DCX: variants seen among roughly 807,000 people sequenced by gnomAD.
DCX encodes the protein neuronal migration protein doublecortin.
In DCX, 4 loss-of-function variants were observed where a neutral mutation model predicts 20.9. That is an observed-to-expected ratio of 0.19 (90% CI 0.09 to 0.44). The LOEUF (loss-of-function observed/expected upper bound fraction) is 0.44. DCX is among the 20% of genes least tolerant of loss of function. The pLI, the probability that DCX is intolerant of heterozygous loss-of-function variation, is 0.99. For synonymous variants in DCX, 103 were observed against 111.4 expected (o/e 0.92, Z 0.47); for missense variants, 133 against 296.9 (o/e 0.45, Z 4.06).
intron 3 of DCX, among the ~76,000 whole-genome samples, chrX:111,344,428 A>T (rs1278262276): frequency 1.8e-5 from 2 of 111,860 alleles, no homozygotes; most frequent in African/African-American, 6.5e-5. Flanking sequence ...GTATTCAAGT[A>T]GGAAGAGAGG....
At chrX:111,357,540 G>A (rs912350610) in intron 3 of DCX, among the ~76,000 whole-genome samples, 8 of 111,775 alleles carry the variant, frequency 7.2e-5, no homozygotes, top group African/African-American at 1.3e-4. Flanking sequence ...CACTTTGGGA[G>A]GCCAAGGTTG....
intron 4 of DCX, among the ~76,000 whole-genome samples, chrX:111,331,545 T>C (rs1921245424): frequency 1.8e-5 from 2 of 111,972 alleles, no homozygotes; most frequent in African/African-American, 3.2e-5. Flanking sequence ...AAATAAGCAC[T>C]ATGACCACCA....
intron 3 of DCX, among the ~76,000 whole-genome samples, chrX:111,371,942 AC>A (rs1925124108): frequency 1.7e-4 from 18 of 106,838 alleles, no homozygotes; most frequent in Admixed American, 1.5e-3. Context: ...GTACACACAC[AC>A]ACACACACAC....
chrX:111,365,227 AT>A (rs890374971), intron 3 of DCX, among the ~76,000 whole-genome samples: 5 of 109,896 alleles, frequency 4.5e-5, no homozygotes. Flanking sequence ...GCATAGTCTT[AT>A]TTGTGATACT....
At chrX:111,341,851 G>A (rs1421290581) in intron 3 of DCX, among the ~76,000 whole-genome samples, 1 of 110,991 alleles carries the variant, frequency 9.0e-6, no homozygotes, top group Non-Finnish European at 1.9e-5. Context: ...CACTAGGCCT[G>A]CCTTGAAAGA....
Position 111,296,720 on chromosome X carries a change from A to T in DCX, c.*4967T>A, listed in dbSNP as rs1019785887. On this transcript the variant is annotated 3_prime_UTR_variant, in exon 7 of 7. Transcript: ENST00000636035. ...AGGGTGAAGGTTGCAGCGAGCCAAG[A>T]TTGTGCCACTGCACTCCAGCCTAGG... The T allele has an allele frequency of 2.8e-4, 29 of 104,717 alleles. No individual in the cohort carries two copies. Among genetic ancestry groups the T allele is most frequent in the African/African-American group, 1.0e-3 (29 of 28,185 alleles). 8.6% of individuals were successfully genotyped at this position (104,717 alleles called of 1,213,427 possible). A position where few individuals can be genotyped will look rare whatever the true frequency, so the allele number is the denominator to read the frequency against.
At position 111,318,793 on chromosome X, in the gene DCX, T is replaced by A. The variant is rs114789822; in HGVS notation, c.947-6057A>T. ...TGAACAACAGTCAATGGGGCCTAAT[T>A]GAGGGTGGAGGGTGGAAGGAGGGAG... On this transcript the variant is annotated intron_variant, in intron 5 of 6. Transcript: ENST00000636035. Among the ~76,000 whole-genome samples, 351 of 110,621 alleles carry A rather than the reference T, an allele frequency of 3.2e-3. 2 individuals are homozygous for A. The highest frequency in any genetic ancestry group is 0.011 in the African/African-American group (338 of 30,379).
At chrX:111,306,256 C>T (rs907480030) in intron 6 of DCX, among the ~76,000 whole-genome samples, 4 of 110,829 alleles carry the variant, frequency 3.6e-5, no homozygotes, top group African/African-American at 1.3e-4. Context: ...GCCATGCAAT[C>T]AGTAACTAAA....
chrX:111,352,672 A>G (rs1280976219), intron 3 of DCX, among the ~76,000 whole-genome samples: 1 of 111,547 alleles, frequency 9.0e-6, no homozygotes, highest in African/African-American at 3.3e-5. Context: ...TTCATTAGGG[A>G]ACACCAAATA....
intron 2 of DCX, among the ~76,000 whole-genome samples, chrX:111,403,339 T>C (rs966091122): frequency 6.2e-5 from 7 of 112,334 alleles, no homozygotes; most frequent in Non-Finnish European, 9.4e-5. Context: ...GAGAGTCAGC[T>C]GTGTAGCCCT....
chrX:111,408,612 G>GAAGA (rs1277139867), intron 2 of DCX, among the ~76,000 whole-genome samples: 1 of 87,852 alleles, frequency 1.1e-5, no homozygotes, highest in Non-Finnish European at 2.3e-5. Flanking sequence ...AGAAAGAAAG[G>GAAGA]AAGAAAGAAA....
chrX:111,308,375 C>G (rs1029563585), intron 6 of DCX, among the ~76,000 whole-genome samples: 1 of 111,611 alleles, frequency 9.0e-6, no homozygotes, highest in Non-Finnish European at 1.9e-5. Flanking sequence ...ATTTCCCAAA[C>G]GTGCCCTGTG....
At chrX:111,309,285 GT>G (rs1266795923) in intron 6 of DCX, among the ~76,000 whole-genome samples, 1 of 112,275 alleles carries the variant, frequency 8.9e-6, no homozygotes, top group Non-Finnish European at 1.9e-5. Context: ...GGGACTTCAA[GT>G]TTTTTCCAGT....
At chrX:111,405,105 C>T (rs1235483855) in intron 2 of DCX, among the ~76,000 whole-genome samples, 1 of 112,178 alleles carries the variant, frequency 8.9e-6, no homozygotes. Context: ...AGAAATGAAA[C>T]AAGCTGTGGG....
intron 5 of DCX, among the ~76,000 whole-genome samples, chrX:111,314,050 C>A (rs1270079110): frequency 8.9e-6 from 1 of 112,003 alleles, no homozygotes; most frequent in Non-Finnish European, 1.9e-5. Flanking sequence ...TACATTCCTT[C>A]TGCACCACTT....
At chrX:111,393,956 AAC>A (rs1431116444) in intron 3 of DCX, among the ~76,000 whole-genome samples, 1 of 111,850 alleles carries the variant, frequency 8.9e-6, no homozygotes, top group Non-Finnish European at 1.9e-5. Context: ...TAAAATTTTA[AAC>A]ACACTATACA....
chrX:111,410,466 A>G, intron 1 of DCX, 46 bp from the exon 2 acceptor site: 1 of 1,195,481 alleles, frequency 8.4e-7, no homozygotes. Flanking sequence ...GCAAAAACAA[A>G]AAGGGACAAG....
chrX:111,381,407 G>A (rs1369447715), intron 3 of DCX, among the ~76,000 whole-genome samples: 2 of 110,008 alleles, frequency 1.8e-5, no homozygotes, highest in African/African-American at 6.6e-5. Flanking sequence ...TATCAATTGG[G>A]ACACTAAACA....
rs1275261672 is a variant in DCX at position 111,300,889 on chromosome X, T to C, written c.*798A>G. On this transcript the variant is annotated 3_prime_UTR_variant, in exon 7 of 7. Transcript: ENST00000636035. Reference sequence around the variant, plus strand: ...ACAGTTCATGTAATCATGTGGTATGTTAGACAGCCTTCTAGAGGAATCAGG... The same window carrying C: ...ACAGTTCATGTAATCATGTGGTATGCTAGACAGCCTTCTAGAGGAATCAGG... The C allele has an allele frequency of 8.9e-6, 1 of 112,415 alleles. No individual in the cohort carries two copies. Among genetic ancestry groups the C allele is most frequent in the Non-Finnish European group, 1.9e-5 (1 of 53,359 alleles). 9.3% of individuals were successfully genotyped at this position (112,415 alleles called of 1,213,427 possible).
Sources: gnomAD v4.1 joint callset for allele counts (sites outside exome capture counted in the v4.1 genomes callset) on GRCh38, gnomAD v4.1.1 for gene constraint, MANE v1.5 for transcripts, NCBI Gene and HGNC (gene_info 2026-07-23, HGNC 2026-07-21) for gene names.